The following AGFG1 variants were observed in gnomAD, a reference collection of about 807,000 sequenced individuals.
AGFG1 encodes arf-GAP domain and FG repeat-containing protein 1.
In AGFG1, 10 loss-of-function variants were observed where a neutral mutation model predicts 60.6. The ratio of observed to expected loss-of-function variants is 0.16; its 90% confidence interval spans 0.10 to 0.28. The LOEUF is 0.28. Ranked by LOEUF, AGFG1 falls within the 10% of genes least tolerant of loss-of-function variation. AGFG1 has a pLI of 1.00. For missense variants in AGFG1, 537 were observed against 676.5 expected (o/e 0.79, Z 2.29); for synonymous variants, 247 against 242.9 (o/e 1.02, Z -0.16).
chr2:227,498,597 G>T (rs765721427), intron 2 of AGFG1, among the ~76,000 whole-genome samples: 7 of 152,268 alleles, frequency 4.6e-5, no homozygotes, highest in Admixed American at 1.3e-4. Flanking sequence ...ACTTAGTAAA[G>T]TTGAAAATAT....
intron 2 of AGFG1, among the ~76,000 whole-genome samples, chr2:227,503,383 G>T (rs1259238367): frequency 3.9e-5 from 6 of 152,140 alleles, no homozygotes; most frequent in Non-Finnish European, 1.5e-5. Flanking sequence ...TTGAAGTCAG[G>T]TAGTACAAAT....
intron 10 of AGFG1, among the ~76,000 whole-genome samples, chr2:227,540,853 A>G (rs1024557078): frequency 5.3e-5 from 8 of 152,132 alleles, no homozygotes; most frequent in South Asian, 4.1e-4. Context: ...CCTCTCCAGC[A>G]TCTGTTGTTT....
intron 1 of AGFG1, among the ~76,000 whole-genome samples, chr2:227,485,913 T>G (rs887898544): frequency 3.3e-5 from 5 of 152,248 alleles, no homozygotes; most frequent in African/African-American, 1.2e-4. Context: ...TTGCATTTAC[T>G]GACTCAAGCT....
rs947007626 is a variant in AGFG1, at chr2:227,559,847, A to G, written c.*5352A>G. ...ATTGTAAACTAATCTTACATAGTCA[A>G]TGTTTCATAGAATGCTTTGGTTACA... On this transcript the variant is annotated 3_prime_UTR_variant, in exon 13 of 13. Transcript: ENST00000310078. The G allele has an allele frequency of 2.0e-5, 3 of 152,172 alleles. No homozygotes were observed. The highest frequency in any genetic ancestry group is 4.8e-5 in the African/African-American group (2 of 41,456). 9.4% of individuals were successfully genotyped at this position (152,172 alleles called of 1,614,324 possible).
intron 10 of AGFG1, among the ~76,000 whole-genome samples, chr2:227,548,936 CAAAAAGAAA>C (rs939766238): frequency 4.7e-5 from 7 of 149,186 alleles, no homozygotes; most frequent in East Asian, 2.0e-4. Flanking sequence ...GACTCCGTCT[CAAAAAGAAA>C]AAAAAGAAAG....
Position 227,533,706 on chromosome 2 carries a change from A to C in AGFG1, c.972A>C (p.Ala324=), listed in dbSNP as rs13015491. 5 of 1,613,806 alleles carry C rather than the reference A, an allele frequency of 3.1e-6. No individual in the cohort carries two copies. The highest frequency in any genetic ancestry group is 3.4e-6 in the Non-Finnish European group (4 of 1,179,796). The change falls in exon 7 of 13, where the codon GCA becomes GCC. Residue 324 remains alanine, a synonymous_variant. Transcript: ENST00000310078. ...CGAACAAAGCTGGTTTACAGACTGCAGACAAATATGCAGCACTTGCTAATT... is the reference window on the plus strand; with the variant it reads ...CGAACAAAGCTGGTTTACAGACTGCCGACAAATATGCAGCACTTGCTAATT... ...VSTNKAGLQT[A]DKYAALANLD...
At chr2:227,487,667 C>G (rs891762301) in intron 1 of AGFG1, among the ~76,000 whole-genome samples, 1 of 122,244 alleles carries the variant, frequency 8.2e-6, no homozygotes, top group African/African-American at 3.1e-5. Flanking sequence ...TAATGAGGTT[C>G]TTAATAAAAA....
chr2:227,506,745 C>T (rs549514190), intron 2 of AGFG1, among the ~76,000 whole-genome samples: 2 of 152,140 alleles, frequency 1.3e-5, no homozygotes, highest in South Asian at 4.2e-4. Context: ...CTACACTGCT[C>T]GCCCTTTTAA....
Position 227,524,878 on chromosome 2 carries a change from C to T in AGFG1, c.657C>T (p.Ala219=), listed in dbSNP as rs1296898540. The change falls in exon 5 of 13, where the codon GCC becomes GCT. Residue 219 remains alanine (A), a synonymous_variant. Transcript: ENST00000310078. ...AAPAPQSTAT[A]NFANFAHFNS... ...CAGCTCCTCAGTCAACAGCTACAGCCAATTTTGCTAACTTTGCACATTTCA... is the reference window on the plus strand; with the variant it reads ...CAGCTCCTCAGTCAACAGCTACAGCTAATTTTGCTAACTTTGCACATTTCA... 6.2e-7 allele frequency: 1 copy of T among 1,614,076 alleles called. No individual in the cohort carries two copies. The highest frequency in any genetic ancestry group is 1.7e-4 in the Middle Eastern group (1 of 6,060).
At chr2:227,519,572 G>T (rs1218712995) in intron 2 of AGFG1, among the ~76,000 whole-genome samples, 1 of 151,948 alleles carries the variant, frequency 6.6e-6, no homozygotes, top group East Asian at 1.9e-4. Context: ...GTTCTTTTTG[G>T]TTTTTTAGAC....
At chr2:227,514,749 A>G (rs985475735) in intron 2 of AGFG1, among the ~76,000 whole-genome samples, 1 of 152,132 alleles carries the variant, frequency 6.6e-6, no homozygotes, top group Admixed American at 6.5e-5. Flanking sequence ...CACCTCCCCC[A>G]AAAGAGACCA....
rs571234743 is a variant in AGFG1 at position 227,558,909 on chromosome 2, A to G, written c.*4414A>G. 9 of 152,366 alleles carry G rather than the reference A, an allele frequency of 5.9e-5. No homozygotes were observed. Among genetic ancestry groups the G allele is most frequent in the African/African-American group, 1.9e-4 (8 of 41,596 alleles). 9.4% of individuals were successfully genotyped at this position (152,366 alleles called of 1,614,324 possible). The stretch of plus-strand genomic sequence containing the variant: ...CCAGCTTCAGCACAGCAAAGGACAT[A>G]CAATTCCACAACTCATTAATTAAAT... On this transcript the variant is annotated 3_prime_UTR_variant, in exon 13 of 13. Transcript: ENST00000310078.
At chr2:227,481,528 C>T (rs1012395914) in intron 1 of AGFG1, among the ~76,000 whole-genome samples, 4 of 152,124 alleles carry the variant, frequency 2.6e-5, no homozygotes, top group Admixed American at 2.6e-4. Flanking sequence ...CTTCTCCCAC[C>T]TTTGCAGAAG....
At chr2:227,511,865 A>T (rs13019694) in intron 2 of AGFG1, among the ~76,000 whole-genome samples, 1 of 152,056 alleles carries the variant, frequency 6.6e-6, no homozygotes, top group South Asian at 2.1e-4. Context: ...TGGTAGAGGG[A>T]TTATTGTCCC....
At chr2:227,474,845 A>G (rs1690232587) in intron 1 of AGFG1, among the ~76,000 whole-genome samples, 1 of 152,254 alleles carries the variant, frequency 6.6e-6, no homozygotes, top group African/African-American at 2.4e-5. Flanking sequence ...GTTATACGGT[A>G]TTGAGAATGT....
Position 227,552,005 on chromosome 2 carries a change from C to T in AGFG1, c.1425C>T (p.Gly475=). ...TASMSMPTGF[G]TPAPYSLPTS... ...CCATGAGCATGCCCACAGGATTCGG[C>T]ACTCCTGCTCCCTACAGTCTTCCCA... Residue 475 remains glycine, a synonymous_variant, in exon 11 of 13, where the codon GGC becomes GGT. Coordinates refer to ENST00000310078, the MANE Select transcript of AGFG1 (RefSeq NM_004504.5). 8 of 1,614,176 alleles carry T rather than the reference C, an allele frequency of 5.0e-6. No homozygotes were observed. Among genetic ancestry groups the T allele is most frequent in the Non-Finnish European group, 6.8e-6 (8 of 1,180,026 alleles).
chr2:227,530,019 C>T (rs1283172136), intron 5 of AGFG1, among the ~76,000 whole-genome samples: 1 of 151,950 alleles, frequency 6.6e-6, no homozygotes, highest in Non-Finnish European at 1.5e-5. Flanking sequence ...GATGAATTTG[C>T]TGAGGGCTGC....
chr2:227,490,597 A>G (rs1690783710), intron 1 of AGFG1, among the ~76,000 whole-genome samples: 1 of 143,520 alleles, frequency 7.0e-6, no homozygotes, highest in African/African-American at 2.6e-5. Context: ...AAAAAAAATT[A>G]CTGCAGTAAT....
In AGFG1 at chr2:227,559,515, C is replaced by T. The variant is rs1191573079; in HGVS notation, c.*5020C>T. 1 of 152,038 alleles carries T rather than the reference C, an allele frequency of 6.6e-6. No individual in the cohort carries two copies. Among genetic ancestry groups the T allele is most frequent in the Non-Finnish European group, 1.5e-5 (1 of 67,990 alleles). The allele number at this position is 152,038 out of a possible 1,614,324, so 9.4% of individuals were successfully genotyped here. On this transcript the variant is annotated 3_prime_UTR_variant, in exon 13 of 13. Coordinates refer to ENST00000310078, the MANE Select transcript of AGFG1 (RefSeq NM_004504.5). ...TTTAAGTGTATTTTTGACATCTGTG[C>T]TTGTCCAACACAGGGCTGTAGGGAC...
Sources: allele counts gnomAD v4.1 joint callset (sites outside exome capture counted in the v4.1 genomes callset), GRCh38; gene constraint gnomAD v4.1.1; transcripts MANE v1.5; gene names NCBI Gene and HGNC (gene_info 2026-07-23, HGNC 2026-07-21).